AP3D1: variants seen among roughly 807,000 people sequenced by gnomAD.
AP3D1 encodes adaptor related protein complex 3 subunit delta 1, also known as AP-3 complex subunit delta-1.
In AP3D1, 51 loss-of-function variants were observed where a neutral mutation model predicts 147.6. That is an observed-to-expected ratio of 0.35 (90% CI 0.28 to 0.44). The LOEUF is 0.44. Ranked by LOEUF, AP3D1 falls within the 20% of genes least tolerant of loss-of-function variation. The pLI, the probability that AP3D1 is intolerant of heterozygous loss-of-function variation, is 1.00. For synonymous variants in AP3D1, 760 were observed against 663.0 expected (o/e 1.15, Z -2.25); for missense variants, 1,421 against 1,624.2 (o/e 0.87, Z 2.15).
At chr19:2,152,119 C>T (rs978986265), upstream of AP3D1, among the ~76,000 whole-genome samples, 1 of 152,214 alleles carries the variant, frequency 6.6e-6, no homozygotes, top group African/African-American at 2.4e-5. Flanking sequence ...CATTGTCATT[C>T]ATTCAGTAAA....
intron 4 of AP3D1, among the ~76,000 whole-genome samples, chr19:2,136,245 A>G (rs2019074414): frequency 6.6e-6 from 1 of 152,218 alleles, no homozygotes; most frequent in South Asian, 2.1e-4. Context: ...CCTGTGCCGG[A>G]CATCAGTCAC....
intron 23 of AP3D1, 39 bp from the exon 24 acceptor site, chr19:2,113,006 G>A: frequency 6.5e-7 from 1 of 1,533,900 alleles, no homozygotes; most frequent in Non-Finnish European, 8.9e-7. Context: ...GCTGGGCAAT[G>A]AGGGGCCCCA....
At chr19:2,131,149 A>G (rs12979965) in intron 5 of AP3D1, among the ~76,000 whole-genome samples, 77,382 of 152,262 alleles carry the variant, frequency 0.51, 19,786 homozygotes, top group African/African-American at 0.54. Context: ...ACAACACGTG[A>G]AAAGAAGGTG....
In AP3D1 at chr19:2,118,727, G is replaced by A. The variant is rs2018528064; in HGVS notation, c.1587C>T (p.Leu529=). 6.2e-7 allele frequency: 1 copy of A among 1,613,716 alleles called. No individual in the cohort carries two copies. The highest frequency in any genetic ancestry group is 1.3e-5 in the African/African-American group (1 of 75,074). Residue 529 remains leucine, a synonymous_variant, in exon 15 of 32, where the codon CTC becomes CTT. Coordinates refer to ENST00000643116, the MANE Select transcript of AP3D1 (RefSeq NM_001261826.3). The part of the protein sequence containing the change: ...QAVYVQNVVK[L]YASILQQKEQ... ...CCTTCTGCTGCAGGATGGAGGCGTA[G>A]AGCTTGACCACGTTCTGCACATACA...
At position 2,110,121 on chromosome 19, in the gene AP3D1, T is replaced by C. The variant is rs555224621; in HGVS notation, c.3264+15A>G. The C allele has an allele frequency of 4.3e-6, 7 of 1,610,848 alleles. No homozygotes were observed. In the East Asian group the frequency reaches 1.6e-4, roughly 36 times the overall value. ...GCAGAGTCGGCTCTTCAACGCCAAG[T>C]GGAGCCCTGCATACCTTGGCAATGA... On this transcript the variant is annotated intron_variant, in intron 28 of 31. Coordinates refer to ENST00000643116, the MANE Select transcript of AP3D1 (RefSeq NM_001261826.3).
At chr19:2,125,731 G>A (rs775332185) in intron 9 of AP3D1, among the ~76,000 whole-genome samples, 8 of 152,156 alleles carry the variant, frequency 5.3e-5, no homozygotes, top group Non-Finnish European at 7.4e-5. Flanking sequence ...GGCCGGGCGC[G>A]GTGTGTAGAT....
intron 9 of AP3D1, among the ~76,000 whole-genome samples, chr19:2,124,844 G>A (rs894219286): frequency 1.3e-5 from 2 of 152,170 alleles, no homozygotes; most frequent in African/African-American, 4.8e-5. Context: ...GGAGGCTGAG[G>A]CAGGAGAATC....
At chr19:2,110,336 G>C (rs2018235879) in intron 27 of AP3D1, 112 bp from the exon 28 acceptor site, 4 of 917,356 alleles carry the variant, frequency 4.4e-6, no homozygotes, top group Admixed American at 3.9e-5. Context: ...AGGAAACTGA[G>C]CTCAGCCCCC....
intron 5 of AP3D1, among the ~76,000 whole-genome samples, chr19:2,131,932 G>T (rs1339139097): frequency 2.6e-5 from 4 of 152,206 alleles, no homozygotes. Context: ...AAGCATGCCC[G>T]CTCCACACTG....
rs1402079468 is a variant in AP3D1 at position 2,139,236 on chromosome 19, A to G, written c.97-522T>C. ...GGGTTCGCTTTCTTTCTAGGCTGAT[A>G]ATGTTCTGGAACTTGGCCGTGGTGG... is the stretch of plus-strand genomic sequence containing the variant. On this transcript the variant is annotated intron_variant, in intron 1 of 31. Transcript: ENST00000643116. Among the ~76,000 whole-genome samples the G allele has an allele frequency of 3.3e-5, 5 of 152,100 alleles. No homozygotes were observed. In the East Asian group the frequency reaches 9.6e-4, roughly 29 times the overall value.
intron 1 of AP3D1, among the ~76,000 whole-genome samples, chr19:2,140,603 G>A (rs925063373): frequency 4.0e-5 from 6 of 151,790 alleles, no homozygotes; most frequent in African/African-American, 1.5e-4. Context: ...GCCTCCCAAA[G>A]CACTGGGACC....
In AP3D1 at chr19:2,109,831, G is replaced by A. The variant is rs369125384; in HGVS notation, c.3350+42C>T. ...GGTGTCTGCAAGGTAGAGGGGAGGC[G>A]GAGGGGGTTCGGGGACATAGGGGAG... On this transcript the variant is annotated intron_variant, in intron 29 of 31. Coordinates refer to ENST00000643116, the MANE Select transcript of AP3D1 (RefSeq NM_001261826.3). The A allele has an allele frequency of 1.3e-4, 199 of 1,582,482 alleles. No individual in the cohort carries two copies. In the African/African-American group the frequency reaches 2.2e-3, roughly 17 times the overall value.
At chr19:2,121,394 A>G in intron 12 of AP3D1, 83 bp from the exon 13 acceptor site, 1 of 1,512,194 alleles carries the variant, frequency 6.6e-7, no homozygotes, top group South Asian at 1.2e-5. Context: ...TGCTCCTGAG[A>G]CAGAATCCAC....
At chr19:2,125,207 T>C (rs1442806124) in intron 9 of AP3D1, among the ~76,000 whole-genome samples, 1 of 152,174 alleles carries the variant, frequency 6.6e-6, no homozygotes, top group African/African-American at 2.4e-5. Flanking sequence ...AGTCTACATA[T>C]AAATGTAAAT....
chr19:2,117,745 G>A (rs772498557), intron 15 of AP3D1, among the ~76,000 whole-genome samples: 7 of 152,258 alleles, frequency 4.6e-5, no homozygotes, highest in Admixed American at 6.5e-5. Context: ...GTGACCATGG[G>A]CCAAGGATCA....
In AP3D1 at chr19:2,117,212, G is replaced by T; in HGVS notation, c.1859+10C>A. The T allele has an allele frequency of 6.3e-7, 1 of 1,596,804 alleles. No individual in the cohort carries two copies. Among genetic ancestry groups the T allele is most frequent in the Non-Finnish European group, 8.5e-7 (1 of 1,171,210 alleles). On this transcript the variant is annotated intron_variant, in intron 16 of 31. Transcript: ENST00000643116. ...CCATGGTTGCAATGCCCCCACCCCCGTATCCTTACCCTTCGGGGACTGGAA... is the reference window on the plus strand; with the variant it reads ...CCATGGTTGCAATGCCCCCACCCCCTTATCCTTACCCTTCGGGGACTGGAA...
upstream of AP3D1, among the ~76,000 whole-genome samples, chr19:2,155,819 G>A (rs1279639334): frequency 2.0e-5 from 3 of 152,064 alleles, no homozygotes; most frequent in South Asian, 4.1e-4. Flanking sequence ...CTGGGAGGCC[G>A]AGGTGGGCGG....
chr19:2,136,159 C>T lies in AP3D1; in HGVS notation c.354+852G>A, dbSNP rs183815241. On this transcript the variant is annotated intron_variant, in intron 4 of 31. Coordinates refer to ENST00000643116, the MANE Select transcript of AP3D1 (RefSeq NM_001261826.3). ...GGGCGCATGTCGCCCGCGGCCCAGG[C>T]GGGACGCCCAGCTCTATAACCTTGC... Among the ~76,000 whole-genome samples the T allele has an allele frequency of 3.1e-3, 468 of 152,302 alleles. 4 individuals carry two copies. Among genetic ancestry groups the T allele is most frequent in the African/African-American group, 0.011 (442 of 41,538 alleles).
chr19:2,111,394 A>G (rs770354959), intron 25 of AP3D1, 62 bp from the exon 26 acceptor site: 2 of 1,589,110 alleles, frequency 1.3e-6, no homozygotes, highest in South Asian at 1.1e-5. Context: ...CGAAGACTCC[A>G]GTATGGCCCA....
Sources: gnomAD v4.1 joint callset for allele counts (sites outside exome capture counted in the v4.1 genomes callset) on GRCh38, gnomAD v4.1.1 for gene constraint, MANE v1.5 for transcripts, NCBI Gene and HGNC (gene_info 2026-07-23, HGNC 2026-07-21) for gene names.